Variants in DLEC1 observed in about 807,000 individuals in gnomAD.
DLEC1 encodes the protein deleted in lung and esophageal cancer protein 1.
DLEC1 carries 146 observed loss-of-function variants against 198.1 expected under a neutral mutation model. That is an observed-to-expected ratio of 0.74 (90% CI 0.64 to 0.85). The LOEUF is 0.85. Among genes scored for constraint, DLEC1 ranks in the 40% least tolerant of loss-of-function variants. The probability of loss-of-function intolerance (pLI) is 0.00; values close to 1 mark genes in which losing one functional copy is unlikely to be tolerated. For synonymous variants in DLEC1, 897 were observed against 866.8 expected (o/e 1.03, Z -0.61); for missense variants, 2,233 against 2,220.0 (o/e 1.01, Z -0.12).
At chr3:38,057,439 C>T (rs896352324) in intron 2 of DLEC1, among the ~76,000 whole-genome samples, 1 of 151,878 alleles carries the variant, frequency 6.6e-6, no homozygotes, top group Non-Finnish European at 1.5e-5. Context: ...TTGCAGTGAG[C>T]TGAGATCATG....
intron 6 of DLEC1, among the ~76,000 whole-genome samples, chr3:38,079,074 A>G (rs866863142): frequency 2.4e-4 from 37 of 152,176 alleles, no homozygotes; most frequent in African/African-American, 8.7e-4. Flanking sequence ...TAAGGGGTGC[A>G]TGATCGGTCG....
At position 38,121,788 on chromosome 3, in the gene DLEC1, C is replaced by G. The variant is rs1045834824; in HGVS notation, c.5020+7C>G. 1 of 1,613,482 alleles carries G rather than the reference C, an allele frequency of 6.2e-7. No individual in the cohort carries two copies. The highest frequency in any genetic ancestry group is 8.5e-7 in the Non-Finnish European group (1 of 1,179,536). On this transcript the variant is annotated splice_region_variant and intron_variant, in intron 35 of 36. Coordinates refer to ENST00000308059, the MANE Select transcript of DLEC1 (RefSeq NM_007335.4). ...TACTGGACTATGCTGATGGGTATGT[C>G]CTACCCTGCCACCTACCCACCGTTC...
Position 38,105,154 on chromosome 3 carries a change from C to T in DLEC1, c.2865-2430C>T, listed in dbSNP as rs149040162. On this transcript the variant is annotated intron_variant, in intron 19 of 36. Transcript: ENST00000308059. ...ATTTGATTCTATTGTTGTTGGAGAA[C>T]CCACTTTATATAATTATAGTCGTTT... 6.1e-3 allele frequency among the ~76,000 whole-genome samples: 926 copies of T among 152,196 alleles called. 10 individuals carry two copies. The highest frequency in any genetic ancestry group is 0.02 in the African/African-American group (811 of 41,532).
chr3:38,121,685 G>C lies in DLEC1; in HGVS notation c.4924G>C (p.Val1642Leu), dbSNP rs1174265037. ...TGAGCTGCAGCTCTCCACCAGCTGG[G>C]TGGACTTTGGGACCTGCTTTGTGAG... ...VPELQLSTSWVDFGTCFVSQQ... is the reference protein window; with the variant it reads ...VPELQLSTSWLDFGTCFVSQQ... The change falls in exon 35 of 37, where the codon GTG becomes CTG. Residue 1642 changes from valine (V) to leucine (L), a missense_variant. Physicochemically the swap from Val to Leu is conservative, Grantham distance 32. Coordinates refer to ENST00000308059, the MANE Select transcript of DLEC1 (RefSeq NM_007335.4). 1.9e-6 allele frequency: 3 copies of C among 1,613,984 alleles called. No homozygotes were observed. In the African/African-American group the frequency reaches 4.0e-5, roughly 22 times the overall value.
rs527631385 is a variant in DLEC1 at position 38,117,861 on chromosome 3, T to G, written c.4541T>G (p.Ile1514Ser). ...CTGAAGCTGACCAACACTACAGAGA[T>G]CCCACACTACTTCCGGCTTATGGTC... is the stretch of plus-strand genomic sequence containing the variant. ...HHLKLTNTTE[I>S]PHYFRLMVSR... The change falls in exon 33 of 37, where the codon ATC (isoleucine) becomes AGC (serine). Residue 1514 changes from isoleucine to serine, a missense_variant. Physicochemically the swap from Ile to Ser is moderately radical, Grantham distance 142. Coordinates refer to ENST00000308059, the MANE Select transcript of DLEC1 (RefSeq NM_007335.4). 4.5e-5 allele frequency: 72 copies of G among 1,614,072 alleles called. No individual in the cohort carries two copies. In the South Asian group the frequency reaches 6.8e-4, roughly 15 times the overall value.
chr3:38,120,480 G>C lies in DLEC1; in HGVS notation c.4737G>C (p.Leu1579=). Residue 1579 remains leucine, a synonymous_variant, in exon 34 of 37, where the codon CTG becomes CTC. Coordinates refer to ENST00000308059, the MANE Select transcript of DLEC1 (RefSeq NM_007335.4). ...VNVSFSLSLE[L]LSYQKLPADQ... ...TGTCCTTCTCACTCTCCCTGGAGCTGCTCTCCTATCAGAAGCTCCCAGCTG... is the reference window on the plus strand; with the variant it reads ...TGTCCTTCTCACTCTCCCTGGAGCTCCTCTCCTATCAGAAGCTCCCAGCTG... 1.2e-6 allele frequency: 2 copies of C among 1,614,230 alleles called. No homozygotes were observed. Among genetic ancestry groups the C allele is most frequent in the South Asian group, 2.2e-5 (2 of 91,088 alleles).
chr3:38,052,236 C>G, intron 2 of DLEC1: 1 of 474,352 alleles, frequency 2.1e-6, no homozygotes, highest in East Asian at 5.4e-5. Flanking sequence ...GTGGGCAGTA[C>G]CTGATGACCA....
intron 2 of DLEC1, among the ~76,000 whole-genome samples, chr3:38,057,919 C>T (rs1391869922): frequency 1.3e-5 from 2 of 151,734 alleles, no homozygotes; most frequent in Non-Finnish European, 2.9e-5. Flanking sequence ...TGGGTTCACG[C>T]CATTCTCCTG....
chr3:38,109,800 A>G, intron 22 of DLEC1: 2 of 748,992 alleles, frequency 2.7e-6, no homozygotes, highest in South Asian at 1.9e-5. Context: ...CCTGGCAGGC[A>G]GGAGATGGCA....
At chr3:38,088,568 A>G (rs952970366) in intron 10 of DLEC1, among the ~76,000 whole-genome samples, 180 bp downstream of exon 10, 6 of 152,114 alleles carry the variant, frequency 3.9e-5, no homozygotes, top group Non-Finnish European at 8.8e-5. Context: ...TCTTATGAGC[A>G]TTTTCACAAA....
At chr3:38,080,955 C>T (rs546946402) in intron 6 of DLEC1, among the ~76,000 whole-genome samples, 3 of 137,286 alleles carry the variant, frequency 2.2e-5, no homozygotes, top group Non-Finnish European at 4.7e-5. Context: ...AGGCAGAGGA[C>T]CCTGCGGCCT....
At chr3:38,070,430 G>A (rs560943210) in intron 6 of DLEC1, among the ~76,000 whole-genome samples, 2 of 152,352 alleles carry the variant, frequency 1.3e-5, no homozygotes, top group South Asian at 2.1e-4. Context: ...TGGTTGTTGC[G>A]AGGTTGAGGA....
intron 19 of DLEC1, among the ~76,000 whole-genome samples, chr3:38,101,870 T>C (rs1699325810): frequency 6.6e-6 from 1 of 152,228 alleles, no homozygotes. Flanking sequence ...AAGGGCTTTC[T>C]ATTAAGTCTG....
chr3:38,065,934 G>A (rs932240241), intron 6 of DLEC1, among the ~76,000 whole-genome samples: 5 of 152,252 alleles, frequency 3.3e-5, no homozygotes, highest in Non-Finnish European at 7.4e-5. Context: ...GTACACCCTG[G>A]ATTTGGCTAA....
intron 24 of DLEC1, among the ~76,000 whole-genome samples, 191 bp downstream of exon 24, chr3:38,111,938 C>T (rs1479760147): frequency 6.6e-6 from 1 of 152,190 alleles, no homozygotes; most frequent in Non-Finnish European, 1.5e-5. Flanking sequence ...GGCTCATGCA[C>T]AGGGCCTGGA....
intron 2 of DLEC1, among the ~76,000 whole-genome samples, chr3:38,058,771 G>A (rs1016284300): frequency 1.1e-4 from 16 of 152,154 alleles, no homozygotes; most frequent in African/African-American, 3.9e-4. Flanking sequence ...AGTAACAAAT[G>A]TATCTCTCTA....
Position 38,062,764 on chromosome 3 carries a change from C to T in DLEC1, c.1057C>T (p.Pro353Ser). 4 of 1,613,996 alleles carry T rather than the reference C, an allele frequency of 2.5e-6. No individual in the cohort carries two copies. Among genetic ancestry groups the T allele is most frequent in the Non-Finnish European group, 3.4e-6 (4 of 1,179,970 alleles). The change falls in exon 5 of 37, where the codon CCG becomes TCG. Residue 353 changes from proline (P) to serine (S), a missense_variant. Coordinates refer to ENST00000308059, the MANE Select transcript of DLEC1 (RefSeq NM_007335.4). ...SLVFPPKKPA[P>S]IGEFQSTEPE... ...TGTTTTTCCTCCAAAGAAGCCAGCA[C>T]CGATAGGAGAATTCCAGAGTACAGA...
Position 38,116,848 on chromosome 3 carries a change from G to T in DLEC1, c.4138G>T (p.Val1380Leu), listed in dbSNP as rs753299575. 30 of 1,613,660 alleles carry T rather than the reference G, an allele frequency of 1.9e-5. No homozygotes were observed. Among genetic ancestry groups the T allele is most frequent in the Non-Finnish European group, 2.5e-5 (29 of 1,179,872 alleles). Residue 1380 changes from valine to leucine, a missense_variant, in exon 29 of 37, where the codon GTG becomes TTG. Coordinates refer to ENST00000308059, the MANE Select transcript of DLEC1 (RefSeq NM_007335.4). The stretch of plus-strand genomic sequence containing the variant: ...AGTCATCCTGCAGGCACATGAGGGG[G>T]TGCCCTCCGGCCACCTGTACTGTAT... ...ISVILQAHEG[V>L]PSGHLYCISP...
Position 38,122,351 on chromosome 3 carries a change from C to T in DLEC1, c.5207C>T (p.Thr1736Ile), listed in dbSNP as rs754899834. 5 of 1,614,064 alleles carry T rather than the reference C, an allele frequency of 3.1e-6. No homozygotes were observed. The highest frequency in any genetic ancestry group is 1.1e-5 in the South Asian group (1 of 91,094). Reference protein sequence around the residue: ...VEGVLGEKSCTLRLRGQGSYD... With the variant: ...VEGVLGEKSCILRLRGQGSYD... ...GGTGTGCTCGGTGAGAAGTCCTGCACCCTGCGGCTCCGGGGCCAAGGCTCC... is the reference window on the plus strand; with the variant it reads ...GGTGTGCTCGGTGAGAAGTCCTGCATCCTGCGGCTCCGGGGCCAAGGCTCC... Residue 1736 changes from threonine to isoleucine, a missense_variant, in exon 37 of 37, where the codon ACC becomes ATC. Coordinates refer to ENST00000308059, the MANE Select transcript of DLEC1 (RefSeq NM_007335.4).
Sources: gnomAD v4.1 joint callset for allele counts (sites outside exome capture counted in the v4.1 genomes callset) on GRCh38, gnomAD v4.1.1 for gene constraint, MANE v1.5 for transcripts, NCBI Gene and HGNC (gene_info 2026-07-23, HGNC 2026-07-21) for gene names.